Variants in ELOVL7 observed in about 807,000 individuals in gnomAD.
ELOVL7 encodes the protein very long chain fatty acid elongase 7.
A neutral mutation model predicts 35.7 loss-of-function variants in ELOVL7; 27 were observed. That is an observed-to-expected ratio of 0.76 (90% CI 0.56 to 1.04). The LOEUF (loss-of-function observed/expected upper bound fraction) is 1.04, where lower values mean the gene tolerates loss of function less well. Ranked by LOEUF, ELOVL7 falls within the 50% of genes least tolerant of loss-of-function variation. The pLI, the probability that ELOVL7 is intolerant of heterozygous loss-of-function variation, is 0.00. For synonymous variants in ELOVL7, 113 were observed against 114.6 expected, an observed-to-expected ratio of 0.99 and a Z score of 0.09; for missense variants, 327 against 340.8, an observed-to-expected ratio of 0.96 and a Z score of 0.32.
Position 60,764,245 on chromosome 5 carries a change from C to T in ELOVL7, c.481G>A (p.Gly161Arg), listed in dbSNP as rs748991590. 3.1e-6 allele frequency: 5 copies of T among 1,613,140 alleles called. No homozygotes were observed. The Admixed American group carries it at 6.7e-5, about 22-fold the overall frequency. Residue 161 changes from glycine to arginine, a missense_variant, in exon 7 of 9, where the codon GGA becomes AGA. By Grantham distance (125) the Gly-to-Arg change is moderately radical. Transcript: ENST00000508821. ...TGTCTACCTGCAGCAAATTTGACTC[C>T]AAACCACCAGGTCCACGGCATGATG... ...HTIMPWTWWF[G>R]VKFAAGGLGT... is the part of the protein sequence containing the mutation.
intron 1 of ELOVL7, among the ~76,000 whole-genome samples, chr5:60,814,290 T>G (rs1434685220): frequency 1.3e-5 from 2 of 152,206 alleles, no homozygotes; most frequent in Non-Finnish European, 2.9e-5. Context: ...GAACCACAGA[T>G]GACAATCAGC....
chr5:60,759,797 C>A (rs1003320344), intron 7 of ELOVL7, among the ~76,000 whole-genome samples: 4 of 151,858 alleles, frequency 2.6e-5, no homozygotes, highest in African/African-American at 9.7e-5. Flanking sequence ...CGTCCCCCAA[C>A]CCCACAGCAG....
intron 7 of ELOVL7, among the ~76,000 whole-genome samples, chr5:60,763,611 G>A (rs577533111): frequency 6.6e-6 from 1 of 152,140 alleles, no homozygotes; most frequent in Non-Finnish European, 1.5e-5. Context: ...TTTCTCCAAT[G>A]CTTGATGTTC....
intron 1 of ELOVL7, among the ~76,000 whole-genome samples, chr5:60,808,540 A>G (rs567362554): frequency 3.3e-4 from 50 of 152,354 alleles, no homozygotes; most frequent in Non-Finnish European, 6.0e-4. Context: ...TTGTTAAGAT[A>G]TCAATTCTCT....
At chr5:60,823,852 T>G (rs994511844) in intron 1 of ELOVL7, among the ~76,000 whole-genome samples, 2 of 152,148 alleles carry the variant, frequency 1.3e-5, no homozygotes, top group African/African-American at 4.8e-5. Flanking sequence ...TTTTTTAAGT[T>G]CCCAGATGAT....
intron 3 of ELOVL7, among the ~76,000 whole-genome samples, chr5:60,775,451 T>A (rs891067343): frequency 7.0e-6 from 1 of 141,936 alleles, no homozygotes; most frequent in Non-Finnish European, 1.5e-5. Context: ...TTACCAATGT[T>A]ATTTTTTACA....
At chr5:60,758,313 T>C (rs547221636) in intron 7 of ELOVL7, among the ~76,000 whole-genome samples, 75 of 152,326 alleles carry the variant, frequency 4.9e-4, no homozygotes, top group African/African-American at 1.8e-3. Flanking sequence ...CATTCTCCTA[T>C]TGACAGACAT....
intron 2 of ELOVL7, among the ~76,000 whole-genome samples, chr5:60,797,808 C>T (rs533420484): frequency 1.3e-5 from 2 of 152,262 alleles, no homozygotes; most frequent in South Asian, 2.1e-4. Flanking sequence ...ATATCTTGGG[C>T]CCCCAAAGTC....
Position 60,752,030 on chromosome 5 carries a change from A to C in ELOVL7, c.*2594T>G, listed in dbSNP as rs1741309300. On this transcript the variant is annotated 3_prime_UTR_variant, in exon 9 of 9. Coordinates refer to ENST00000508821, the MANE Select transcript of ELOVL7 (RefSeq NM_024930.3). ...GGCCCTCAAGGATTCATAGAGATTT[A>C]TGTAATAAACTAGATTTTGGAACTA... is the stretch of plus-strand genomic sequence containing the variant. 1 of 152,208 alleles carries C rather than the reference A, an allele frequency of 6.6e-6. No homozygotes were observed. Among genetic ancestry groups the C allele is most frequent in the South Asian group, 2.1e-4 (1 of 4,834 alleles). The allele number at this position is 152,208 out of a possible 1,614,324, so 9.4% of individuals were successfully genotyped here. A position where few individuals can be genotyped will look rare whatever the true frequency, so the allele number is the denominator to read the frequency against.
At position 60,776,220 on chromosome 5, in the gene ELOVL7, C is replaced by A. The variant is rs567157142; in HGVS notation, c.65-4127G>T. On this transcript the variant is annotated intron_variant, in intron 3 of 8. Transcript: ENST00000508821. ...AAGCGGCCAACAAACATTAAAAAGT[C>A]AAATAATTACAGAAGTTGTTGAGGC... Among the ~76,000 whole-genome samples, 6 of 152,082 alleles carry A rather than the reference C, an allele frequency of 3.9e-5. No homozygotes were observed. The East Asian group carries it at 1.2e-3, about 29-fold the overall frequency.
chr5:60,795,992 G>A (rs1561449110), intron 2 of ELOVL7, among the ~76,000 whole-genome samples: 2 of 152,048 alleles, frequency 1.3e-5, no homozygotes, highest in African/African-American at 2.4e-5. Flanking sequence ...AAAGATCCAT[G>A]CACGGTAACA....
chr5:60,843,983 G>GCCCCGCTCCCGGGGC (rs1747345265), intron 1 of ELOVL7, among the ~76,000 whole-genome samples, 177 bp downstream of exon 1: 1 of 152,158 alleles, frequency 6.6e-6, no homozygotes, highest in Admixed American at 6.5e-5. Flanking sequence ...GGAGGGCCTG[G>GCCCCGCTCCCGGGGC]CCCCGCTCCC....
At chr5:60,773,258 C>T (rs1041825490) in intron 3 of ELOVL7, among the ~76,000 whole-genome samples, 1 of 152,144 alleles carries the variant, frequency 6.6e-6, no homozygotes, top group African/African-American at 2.4e-5. Context: ...AAAATTATGC[C>T]ATGACTAACC....
At chr5:60,807,992 CAAAAAAAAAAAAAA>C (rs34086506) in intron 1 of ELOVL7, among the ~76,000 whole-genome samples, 53 of 42,432 alleles carry the variant, frequency 1.2e-3, no homozygotes, top group Non-Finnish European at 2.1e-3. Flanking sequence ...GACTCCGTCT[CAAAAAAAAAAAAAA>C]AAAAAAAAAA....
At chr5:60,781,368 C>T (rs1360497830) in intron 3 of ELOVL7, among the ~76,000 whole-genome samples, 1 of 152,096 alleles carries the variant, frequency 6.6e-6, no homozygotes, top group Admixed American at 6.5e-5. Context: ...ACAGTCATCA[C>T]ACATATGGTT....
intron 1 of ELOVL7, among the ~76,000 whole-genome samples, chr5:60,839,901 T>G (rs1281152547): frequency 2.0e-5 from 3 of 152,048 alleles, no homozygotes; most frequent in African/African-American, 4.8e-5. Context: ...CTGGGGACTC[T>G]GAAGTGGGAG....
chr5:60,780,878 T>C (rs1743207336), intron 3 of ELOVL7, among the ~76,000 whole-genome samples: 2 of 152,188 alleles, frequency 1.3e-5, no homozygotes, highest in South Asian at 2.1e-4. Context: ...TTCATATTAC[T>C]ATGTCTAGTT....
rs1403892836 is a variant in ELOVL7 at position 60,772,057 on chromosome 5, G to A, written c.101C>T (p.Pro34Leu). Residue 34 changes from proline to leucine, a missense_variant, in exon 4 of 9, where the codon CCT becomes CTT. Transcript: ENST00000508821. The part of the protein sequence containing the change: ...RVEDWLLMSS[P>L]LPQTILLGFY... ...TCCTAGGAGGATGGTTTGTGGCAGA[G>A]GCGAGGACATGAGGAGCCAATCTTC... 1.2e-6 allele frequency: 2 copies of A among 1,612,898 alleles called. No individual in the cohort carries two copies. Among genetic ancestry groups the A allele is most frequent in the Non-Finnish European group, 1.7e-6 (2 of 1,179,450 alleles).
intron 1 of ELOVL7, among the ~76,000 whole-genome samples, chr5:60,835,209 G>C (rs201571779): frequency 7.8e-6 from 1 of 128,886 alleles, no homozygotes; most frequent in African/African-American, 3.0e-5. Context: ...AAAAAAAAAA[G>C]ACAGAGTAGT....
Sources: gnomAD v4.1 joint callset for allele counts (sites outside exome capture counted in the v4.1 genomes callset) on GRCh38, gnomAD v4.1.1 for gene constraint, MANE v1.5 for transcripts, NCBI Gene and HGNC (gene_info 2026-07-23, HGNC 2026-07-21) for gene names.